The following ESF1 variants were observed in gnomAD, a reference collection of about 807,000 sequenced individuals.
ESF1 encodes the protein ESF1 homolog.
A neutral mutation model predicts 92.0 loss-of-function variants in ESF1; 58 were observed. The ratio of observed to expected loss-of-function variants is 0.63; its 90% CI spans 0.51 to 0.78. The LOEUF (loss-of-function observed/expected upper bound fraction) is 0.78. Ranked by LOEUF, ESF1 falls within the 30% of genes least tolerant of loss-of-function variation. The pLI, the probability that ESF1 is intolerant of heterozygous loss-of-function variation, is 0.00. For missense variants in ESF1, 922 were observed against 989.1 expected, an observed-to-expected ratio of 0.93 and a Z score of 0.91; for synonymous variants, 321 against 313.7, an observed-to-expected ratio of 1.02 and a Z score of -0.24.
At chr20:13,766,218 C>A (rs186189622) in intron 8 of ESF1, among the ~76,000 whole-genome samples, 2 of 152,198 alleles carry the variant, frequency 1.3e-5, no homozygotes, top group Non-Finnish European at 2.9e-5. Context: ...AACATAATGG[C>A]TAAGAATATT....
chr20:13,736,215 G>C (rs987112757), intron 9 of ESF1, among the ~76,000 whole-genome samples: 1 of 152,068 alleles, frequency 6.6e-6, no homozygotes, highest in Non-Finnish European at 1.5e-5. Context: ...CTGTGCACTG[G>C]AAGTTATTCA....
chr20:13,730,704 T>A (rs74404622), intron 10 of ESF1, among the ~76,000 whole-genome samples: 1 of 113,776 alleles, frequency 8.8e-6, no homozygotes, highest in African/African-American at 2.7e-5. Flanking sequence ...CTTCTAAGAA[T>A]TTTTTTTTTT....
intron 11 of ESF1, among the ~76,000 whole-genome samples, chr20:13,727,650 A>G (rs2049909915): frequency 6.6e-6 from 1 of 152,194 alleles, no homozygotes; most frequent in African/African-American, 2.4e-5. Flanking sequence ...CCTGAACCTT[A>G]CCAAACACAT....
intron 1 of ESF1, among the ~76,000 whole-genome samples, chr20:13,784,669 G>A (rs7273508): frequency 3.9e-5 from 6 of 152,074 alleles, no homozygotes; most frequent in Non-Finnish European, 5.9e-5. Context: ...ACCGCAGGGG[G>A]GCAGCTAACA....
At chr20:13,757,348 A>G (rs530911162) in intron 9 of ESF1, among the ~76,000 whole-genome samples, 4 of 152,328 alleles carry the variant, frequency 2.6e-5, no homozygotes, top group Admixed American at 2.0e-4. Context: ...CCAGTTACAG[A>G]TAACAGGTGT....
chr20:13,770,110 A>T (rs1485800836), intron 6 of ESF1, 89 bp from the exon 7 acceptor site: 1 of 713,346 alleles, frequency 1.4e-6, no homozygotes, highest in African/African-American at 1.8e-5. Context: ...TAGTTTATAC[A>T]TACACAAACT....
chr20:13,716,582 T>G (rs1296120115), intron 13 of ESF1, among the ~76,000 whole-genome samples: 1 of 152,034 alleles, frequency 6.6e-6, no homozygotes, highest in Non-Finnish European at 1.5e-5. Context: ...TGTGCTGGAT[T>G]AAAAGACAGT....
Position 13,775,944 on chromosome 20 carries a change from A to G in ESF1, c.964T>C (p.Leu322=). ...SSEDEDDTAD[L]FPEESGFEHA... is the part of the protein sequence containing the mutation. ...TCAAAACCAGATTCTTCTGGAAACA[A>G]ATCTGCCGTATCATCTTCATCTTCA... The change falls in exon 3 of 14, where the codon TTG becomes CTG. Residue 322 remains leucine (L), a synonymous_variant. Transcript: ENST00000617257. 1 of 1,613,786 alleles carries G rather than the reference A, an allele frequency of 6.2e-7. No individual in the cohort carries two copies. Among genetic ancestry groups the G allele is most frequent in the East Asian group, 2.2e-5 (1 of 44,854 alleles).
chr20:13,768,575 C>CA (rs1979532986), intron 7 of ESF1, among the ~76,000 whole-genome samples: 1 of 148,848 alleles, frequency 6.7e-6, no homozygotes. Flanking sequence ...GAGTGAGACT[C>CA]AGTCTCCAAA....
chr20:13,764,021 A>G (rs1228791871), intron 8 of ESF1, among the ~76,000 whole-genome samples: 3 of 152,240 alleles, frequency 2.0e-5, no homozygotes, highest in Non-Finnish European at 4.4e-5. Flanking sequence ...TCGAAAACTC[A>G]AAAGTTAAAT....
At chr20:13,760,153 A>G (rs1979095212) in intron 8 of ESF1, among the ~76,000 whole-genome samples, 1 of 152,272 alleles carries the variant, frequency 6.6e-6, no homozygotes. Context: ...ATAAGCTGCA[A>G]GATAATGAAG....
chr20:13,745,107 T>C (rs537034758), intron 9 of ESF1, among the ~76,000 whole-genome samples: 5 of 152,190 alleles, frequency 3.3e-5, no homozygotes, highest in Non-Finnish European at 5.9e-5. Flanking sequence ...AGCCTGATAA[T>C]ATCAGTTAAA....
chr20:13,739,672 G>T (rs909460886), intron 9 of ESF1, among the ~76,000 whole-genome samples: 6 of 147,958 alleles, frequency 4.1e-5, no homozygotes, highest in Admixed American at 6.7e-5. Context: ...ACTTTTAGAT[G>T]TAAGAAAACA....
chr20:13,767,249 A>G (rs1218519061), intron 7 of ESF1, among the ~76,000 whole-genome samples: 2 of 152,206 alleles, frequency 1.3e-5, no homozygotes, highest in Non-Finnish European at 2.9e-5. Context: ...ATTATGGGCC[A>G]GGCATGGTGG....
intron 2 of ESF1, among the ~76,000 whole-genome samples, chr20:13,781,363 T>C (rs1384288473): frequency 6.6e-6 from 1 of 152,222 alleles, no homozygotes. Context: ...TTTGATATAT[T>C]GGGTTACATA....
At chr20:13,725,303 T>C (rs1388339195) in intron 11 of ESF1, among the ~76,000 whole-genome samples, 1 of 152,230 alleles carries the variant, frequency 6.6e-6, no homozygotes, top group Non-Finnish European at 1.5e-5. Context: ...CCATTTTCTG[T>C]ATCTTAGTAA....
intron 9 of ESF1, among the ~76,000 whole-genome samples, chr20:13,744,169 G>A (rs770444371): frequency 3.3e-5 from 5 of 152,198 alleles, no homozygotes; most frequent in Non-Finnish European, 7.3e-5. Context: ...CTCCAATTAT[G>A]TACACCAGAG....
At chr20:13,727,756 T>C (rs1184752896) in intron 11 of ESF1, among the ~76,000 whole-genome samples, 3 of 152,102 alleles carry the variant, frequency 2.0e-5, no homozygotes, top group African/African-American at 7.2e-5. Context: ...GGAAATCAGA[T>C]ACCAGATAAT....
chr20:13,734,616 C>T (rs2147734510), intron 9 of ESF1, among the ~76,000 whole-genome samples: 1 of 152,252 alleles, frequency 6.6e-6, no homozygotes, highest in South Asian at 2.1e-4. Context: ...TAAGGCTGAT[C>T]TATCCATTTA....
Sources: allele counts gnomAD v4.1 joint callset (sites outside exome capture counted in the v4.1 genomes callset), GRCh38; gene constraint gnomAD v4.1.1; transcripts MANE v1.5; gene names NCBI Gene and HGNC (gene_info 2026-07-23, HGNC 2026-07-21).